Variants in ALMS1 observed in about 807,000 individuals in gnomAD.
ALMS1 encodes the protein centrosome-associated protein ALMS1.
A neutral mutation model predicts 352.2 loss-of-function variants in ALMS1; 271 were observed. The ratio of observed to expected loss-of-function variants is 0.77; its 90% CI spans 0.70 to 0.85. The LOEUF (loss-of-function observed/expected upper bound fraction) is 0.85, where lower values mean the gene tolerates loss of function less well. Ranked by LOEUF, ALMS1 falls within the 40% of genes least tolerant of loss-of-function variation. ALMS1 has a pLI of 0.00. For missense variants in ALMS1, 5,445 were observed against 4,870.7 expected (o/e 1.12, Z -3.51); for synonymous variants, 1,865 against 1,761.2 (o/e 1.06, Z -1.48).
At chr2:73,488,440 G>A (rs1572967737) in intron 9 of ALMS1, among the ~76,000 whole-genome samples, 1 of 152,226 alleles carries the variant, frequency 6.6e-6, no homozygotes, top group African/African-American at 2.4e-5. Context: ...GCACTTCTGA[G>A]CCTGCAGGGG....
Position 73,490,871 on chromosome 2 carries a change from G to A in ALMS1, c.8912G>A (p.Ser2971Asn). ...PSPISLEQCQ[S>N]KAPGVDDQMN... Reference sequence around the variant, plus strand: ...CCCATTTCTCTTGAACAATGCCAAAGCAAAGCGCCAGGTGTAGATGACCAA... The same window carrying A: ...CCCATTTCTCTTGAACAATGCCAAAACAAAGCGCCAGGTGTAGATGACCAA... The change falls in exon 10 of 23, where the codon AGC becomes AAC. Residue 2971 changes from serine to asparagine, a missense_variant. By Grantham distance (46) the Ser-to-Asn change is conservative (BLOSUM62 1). Transcript: ENST00000613296. 1.2e-6 allele frequency: 2 copies of A among 1,614,018 alleles called. No individual in the cohort carries two copies. Among genetic ancestry groups the A allele is most frequent in the Non-Finnish European group, 1.7e-6 (2 of 1,180,022 alleles).
At chr2:73,457,726 T>A (rs1251801396) in intron 9 of ALMS1, among the ~76,000 whole-genome samples, 2 of 152,120 alleles carry the variant, frequency 1.3e-5, no homozygotes, top group Admixed American at 1.3e-4. Flanking sequence ...TACTAAGGGC[T>A]ATGGATAAAA....
At chr2:73,565,411 A>G (rs1322900678) in intron 15 of ALMS1, among the ~76,000 whole-genome samples, 1 of 152,228 alleles carries the variant, frequency 6.6e-6, no homozygotes, top group African/African-American at 2.4e-5. Context: ...TATAAAATAA[A>G]TACCTATGAG....
At chr2:73,605,934 C>T (rs1273884181) in intron 21 of ALMS1, among the ~76,000 whole-genome samples, 2 of 151,792 alleles carry the variant, frequency 1.3e-5, no homozygotes, top group East Asian at 1.9e-4. Flanking sequence ...AAGAGTATTG[C>T]AGTAACTTCT....
At chr2:73,586,781 A>G (rs548932637) in intron 16 of ALMS1, among the ~76,000 whole-genome samples, 9 of 152,276 alleles carry the variant, frequency 5.9e-5, no homozygotes, top group Non-Finnish European at 1.2e-4. Flanking sequence ...CTAGTTCTGC[A>G]AAGAATGATG....
intron 10 of ALMS1, among the ~76,000 whole-genome samples, chr2:73,495,429 T>TTTCA (rs1673083745): frequency 6.6e-6 from 1 of 152,052 alleles, no homozygotes; most frequent in Non-Finnish European, 1.5e-5. Context: ...AGAGACAGGG[T>TTTCA]TTCACCATGT....
intron 16 of ALMS1, among the ~76,000 whole-genome samples, chr2:73,587,338 C>T (rs1205591831): frequency 6.6e-6 from 1 of 152,138 alleles, no homozygotes; most frequent in Admixed American, 6.6e-5. Context: ...TGAAAGTGGG[C>T]ATTCTTGTCT....
chr2:73,405,030 G>C (rs1670946735), intron 1 of ALMS1, among the ~76,000 whole-genome samples: 1 of 145,810 alleles, frequency 6.9e-6, no homozygotes, highest in Admixed American at 7.1e-5. Flanking sequence ...TCCTACCTCA[G>C]CCTCCCAAGT....
intron 9 of ALMS1, among the ~76,000 whole-genome samples, chr2:73,472,327 A>G (rs940013851): frequency 6.6e-6 from 1 of 152,062 alleles, no homozygotes; most frequent in Non-Finnish European, 1.5e-5. Context: ...TCCAAAAAGT[A>G]TTTGGGAATA....
chr2:73,495,868 C>T (rs1266865680), intron 10 of ALMS1, among the ~76,000 whole-genome samples: 1 of 152,046 alleles, frequency 6.6e-6, no homozygotes, highest in Non-Finnish European at 1.5e-5. Flanking sequence ...AATATATTTA[C>T]CCTAATATAT....
intron 15 of ALMS1, among the ~76,000 whole-genome samples, chr2:73,565,773 C>T (rs1674789717): frequency 6.6e-6 from 1 of 152,108 alleles, no homozygotes; most frequent in Non-Finnish European, 1.5e-5. Flanking sequence ...CCCATAACCC[C>T]AGTCTAATGA....
chr2:73,588,159 CATT>C (rs1675349202), intron 16 of ALMS1, among the ~76,000 whole-genome samples: 2 of 152,192 alleles, frequency 1.3e-5, no homozygotes, highest in South Asian at 4.1e-4. Flanking sequence ...CTCCTTAAAT[CATT>C]ATGTGAAACC....
intron 7 of ALMS1, among the ~76,000 whole-genome samples, chr2:73,432,683 T>G (rs979894265): frequency 1.3e-5 from 2 of 150,372 alleles, no homozygotes; most frequent in African/African-American, 4.9e-5. Context: ...GCCTGTGTCC[T>G]CATGATCTAA....
chr2:73,440,057 T>G (rs543245166), intron 7 of ALMS1, among the ~76,000 whole-genome samples: 7 of 152,238 alleles, frequency 4.6e-5, no homozygotes, highest in African/African-American at 1.7e-4. Context: ...CTCGGCTCAC[T>G]GCAAGCTCCG....
rs1459943196 is a variant in ALMS1, at chr2:73,472,998, G to A, written c.7675-16636G>A. Among the ~76,000 whole-genome samples the A allele has an allele frequency of 2.0e-5, 3 of 152,022 alleles. No individual in the cohort carries two copies. The East Asian group carries it at 5.8e-4, about 29-fold the overall frequency. ...GGTAGACAAAAAGCCAGGAAGGAAC[G>A]GTTGAAAAGGAGATACGGGGTGGTA... is the stretch of plus-strand genomic sequence containing the variant. On this transcript the variant is annotated intron_variant, in intron 9 of 22. Transcript: ENST00000613296.
chr2:73,562,353 G>A (rs768875096), intron 15 of ALMS1, among the ~76,000 whole-genome samples: 1 of 151,996 alleles, frequency 6.6e-6, no homozygotes. Context: ...TTAAAAGGAC[G>A]TACCAAGTCC....
At chr2:73,439,116 C>CTTT (rs11395640) in intron 7 of ALMS1, among the ~76,000 whole-genome samples, 2 of 132,148 alleles carry the variant, frequency 1.5e-5, no homozygotes, top group African/African-American at 2.9e-5. Context: ...TCCTCCTCCT[C>CTTT]TTTTTTTTTT....
intron 9 of ALMS1, among the ~76,000 whole-genome samples, chr2:73,478,718 C>T (rs553784386): frequency 1.2e-4 from 18 of 151,872 alleles, no homozygotes; most frequent in African/African-American, 3.4e-4. Flanking sequence ...ATATGCAGAA[C>T]GTGCAGGTTT....
At chr2:73,541,952 G>C (rs1325849654) in intron 12 of ALMS1, among the ~76,000 whole-genome samples, 1 of 152,148 alleles carries the variant, frequency 6.6e-6, no homozygotes, top group Admixed American at 6.5e-5. Flanking sequence ...AGGAGGAGCT[G>C]GTACCATTCC....
Sources: allele counts gnomAD v4.1 joint callset (sites outside exome capture counted in the v4.1 genomes callset), GRCh38; gene constraint gnomAD v4.1.1; transcripts MANE v1.5; gene names NCBI Gene and HGNC (gene_info 2026-07-23, HGNC 2026-07-21).